FSTL4: variants seen among roughly 807,000 people sequenced by gnomAD.
FSTL4 encodes follistatin-related protein 4.
In FSTL4, 28 loss-of-function variants were observed where a neutral mutation model predicts 78.2. That is an observed-to-expected ratio of 0.36 (90% CI 0.27 to 0.49). FSTL4 has a LOEUF of 0.49. Among genes scored for constraint, FSTL4 ranks in the 20% least tolerant of loss-of-function variants. The pLI is 0.98. For missense variants in FSTL4, 922 were observed against 1,084.9 expected (o/e 0.85, Z 2.11); for synonymous variants, 422 against 440.5 (o/e 0.96, Z 0.53).
At chr5:133,514,195 A>C (rs1758803973) in intron 3 of FSTL4, among the ~76,000 whole-genome samples, 1 of 144,540 alleles carries the variant, frequency 6.9e-6, no homozygotes, top group South Asian at 2.1e-4. Context: ...AATAATAATA[A>C]TAATAATAAT....
In FSTL4 at chr5:133,242,956, A is replaced by G. The variant is rs937284121; in HGVS notation, c.894+6454T>C. ...TACAATGAATTCATGACTGGTTCAT[A>G]TAAAGACAATAAAAATTAAATGAGT... is the stretch of plus-strand genomic sequence containing the variant. On this transcript the variant is annotated intron_variant, in intron 7 of 15. Transcript: ENST00000265342. Among the ~76,000 whole-genome samples the G allele has an allele frequency of 3.3e-5, 5 of 152,264 alleles. No homozygotes were observed. In the South Asian group the frequency reaches 6.2e-4, roughly 19 times the overall value.
At position 133,432,840 on chromosome 5, in the gene FSTL4, A is replaced by G. The variant is rs570080569; in HGVS notation, c.161-31854T>C. Among the ~76,000 whole-genome samples, 5 of 152,336 alleles carry G rather than the reference A, an allele frequency of 3.3e-5. No individual in the cohort carries two copies. The East Asian group carries it at 9.6e-4, about 29-fold the overall frequency. On this transcript the variant is annotated intron_variant, in intron 3 of 15. Coordinates refer to ENST00000265342, the MANE Select transcript of FSTL4 (RefSeq NM_015082.2). ...TTGATTCAAATTTATCCACAGCAAC[A>G]TAACAAATCTCCATCTTTAGAGATC...
chr5:133,417,417 T>C (rs1226315742), intron 3 of FSTL4, among the ~76,000 whole-genome samples: 1 of 152,054 alleles, frequency 6.6e-6, no homozygotes, highest in Non-Finnish European at 1.5e-5. Context: ...ATACATGTAA[T>C]TGGAATTTCA....
At chr5:133,692,386 G>T in the FSTL4 span, among the ~76,000 whole-genome samples, 2 of 152,174 alleles carry the variant, frequency 1.3e-5, no homozygotes, top group African/African-American at 2.4e-5. Context: ...TTTGAGCAGG[G>T]GTGTGATGTG....
chr5:133,398,092 T>C (rs1373658439), intron 4 of FSTL4, among the ~76,000 whole-genome samples: 1 of 152,078 alleles, frequency 6.6e-6, no homozygotes, highest in African/African-American at 2.4e-5. Flanking sequence ...CTGTCATCTA[T>C]TTCGTTCTAC....
chr5:133,471,576 C>T (rs1757827632), intron 3 of FSTL4, among the ~76,000 whole-genome samples: 1 of 152,156 alleles, frequency 6.6e-6, no homozygotes, highest in Non-Finnish European at 1.5e-5. Flanking sequence ...GAAAGTGGGC[C>T]CTCACCAGAC....
intron 4 of FSTL4, among the ~76,000 whole-genome samples, chr5:133,383,403 T>C (rs959690205): frequency 5.3e-5 from 8 of 152,188 alleles, no homozygotes; most frequent in Non-Finnish European, 1.2e-4. Context: ...GTGGTGGTGC[T>C]AGGGTCGGGG....
chr5:133,286,972 T>C (rs1050047096), intron 6 of FSTL4, among the ~76,000 whole-genome samples: 2 of 152,196 alleles, frequency 1.3e-5, no homozygotes, highest in Non-Finnish European at 1.5e-5. Flanking sequence ...TCTCTCTTAC[T>C]TAAAAACAAA....
At chr5:133,249,366 C>G (rs201778427) in intron 7 of FSTL4, 44 bp downstream of exon 7, 1,067 of 1,531,950 alleles carry the variant, frequency 7.0e-4, no homozygotes, top group Non-Finnish European at 8.6e-4. Flanking sequence ...TGTACTCTCC[C>G]AGGGAGGTGC....
chr5:133,803,585 T>C, the FSTL4 span, among the ~76,000 whole-genome samples: 1 of 152,096 alleles, frequency 6.6e-6, no homozygotes, highest in Non-Finnish European at 1.5e-5. Context: ...GCAAACCCAC[T>C]ATTCACCCCA....
At chr5:133,681,215 C>T in the FSTL4 span, among the ~76,000 whole-genome samples, 2 of 152,238 alleles carry the variant, frequency 1.3e-5, no homozygotes, top group African/African-American at 4.8e-5. Flanking sequence ...GAGGGCAGAC[C>T]CCGGGCAGTC....
chr5:133,225,860 T>C lies in FSTL4; in HGVS notation c.1016-41A>G. On this transcript the variant is annotated intron_variant, in intron 8 of 15. Transcript: ENST00000265342. This position sits in a 1 kb window ranked among gnomAD's most constrained non-coding sequence, Gnocchi z 4.6. ...AGTGCTGGTGAGAAAGAGACGGCCC[T>C]GACCTGGACTTGGGCCTGTGGCCCA... is the stretch of plus-strand genomic sequence containing the variant. 6.8e-7 allele frequency: 1 copy of C among 1,466,484 alleles called. No homozygotes were observed. Among genetic ancestry groups the C allele is most frequent in the Non-Finnish European group, 9.0e-7 (1 of 1,108,914 alleles). 90.8% of individuals were successfully genotyped at this position (1,466,484 alleles called of 1,614,324 possible). A position where few individuals can be genotyped will look rare whatever the true frequency, so the allele number is the denominator to read the frequency against.
chr5:133,494,428 T>C (rs1055940561), intron 3 of FSTL4, among the ~76,000 whole-genome samples: 2 of 151,932 alleles, frequency 1.3e-5, no homozygotes, highest in African/African-American at 2.4e-5. Flanking sequence ...AAGTCTAGCA[T>C]CACACAGGAG....
Position 133,305,631 on chromosome 5 carries a change from G to C in FSTL4, c.727+7023C>G, listed in dbSNP as rs191769611. ...TACCCGCTGCCTCTCTACCCAGGTG[G>C]CAAGCTCCCCATGGGCAGGGCCTGC... is the stretch of plus-strand genomic sequence containing the variant. On this transcript the variant is annotated intron_variant, in intron 6 of 15. Transcript: ENST00000265342. Among the ~76,000 whole-genome samples, 207 of 152,268 alleles carry C rather than the reference G, an allele frequency of 1.4e-3. 1 individual carries two copies. The highest frequency in any genetic ancestry group is 4.6e-3 in the African/African-American group (193 of 41,564).
At chr5:133,364,354 G>A (rs756564429) in intron 4 of FSTL4, among the ~76,000 whole-genome samples, 15 of 152,206 alleles carry the variant, frequency 9.9e-5, no homozygotes, top group Non-Finnish European at 1.9e-4. Context: ...AAACTTCAGA[G>A]GGGACTCTGA....
At chr5:133,696,202 A>G in the FSTL4 span, among the ~76,000 whole-genome samples, 1 of 152,230 alleles carries the variant, frequency 6.6e-6, no homozygotes, top group Non-Finnish European at 1.5e-5. Context: ...CCTGACTTCC[A>G]TATTGACCTC....
the FSTL4 span, among the ~76,000 whole-genome samples, chr5:133,657,141 T>C: frequency 6.6e-6 from 1 of 152,022 alleles, no homozygotes; most frequent in South Asian, 2.1e-4. Flanking sequence ...GAGTCTGGGG[T>C]TCAAAAGAGA....
the FSTL4 span, among the ~76,000 whole-genome samples, chr5:133,803,774 C>T: frequency 6.6e-6 from 1 of 152,212 alleles, no homozygotes; most frequent in African/African-American, 2.4e-5. Context: ...GCCAAACTGT[C>T]TGTTGTCTAC....
chr5:133,801,296 G>A, the FSTL4 span, among the ~76,000 whole-genome samples: 12 of 152,162 alleles, frequency 7.9e-5, 1 homozygote, highest in South Asian at 1.5e-3. Context: ...ACTCAATGCC[G>A]AAGAACACGT....
Sources: allele counts gnomAD v4.1 joint callset (sites outside exome capture counted in the v4.1 genomes callset), GRCh38; gene constraint gnomAD v4.1.1; non-coding constraint Gnocchi (gnomAD v3.1); transcripts MANE v1.5; gene names NCBI Gene and HGNC (gene_info 2026-07-23, HGNC 2026-07-21).